The following CTDSPL variants were observed in gnomAD, a reference collection of about 807,000 sequenced individuals.
CTDSPL encodes the protein CTD small phosphatase like.
In CTDSPL, 8 loss-of-function variants were observed where a neutral mutation model predicts 30.5. The ratio of observed to expected loss-of-function variants is 0.26; its 90% CI spans 0.15 to 0.47. The LOEUF is 0.47. Ranked by LOEUF, CTDSPL falls within the 20% of genes least tolerant of loss-of-function variation. The pLI is 0.99. For synonymous variants in CTDSPL, 110 were observed against 137.9 expected, an observed-to-expected ratio of 0.80 and a Z score of 1.42; for missense variants, 248 against 366.1, an observed-to-expected ratio of 0.68 and a Z score of 2.63.
At chr3:37,958,348 G>T (rs1699198437) in intron 3 of CTDSPL, among the ~76,000 whole-genome samples, 1 of 152,172 alleles carries the variant, frequency 6.6e-6, no homozygotes, top group African/African-American at 2.4e-5. Context: ...AGATTGACCT[G>T]GCAGCACAAC....
At chr3:37,898,088 T>G (rs1286620335) in intron 1 of CTDSPL, among the ~76,000 whole-genome samples, 1 of 152,192 alleles carries the variant, frequency 6.6e-6, no homozygotes, top group Non-Finnish European at 1.5e-5. Context: ...ATCTGAGAAC[T>G]GGGCAAAGAT....
At chr3:37,870,837 G>A (rs1186933113) in intron 1 of CTDSPL, among the ~76,000 whole-genome samples, 2 of 152,030 alleles carry the variant, frequency 1.3e-5, no homozygotes, top group African/African-American at 4.8e-5. Flanking sequence ...GCCATATTGA[G>A]CAGAAAGCAC....
Position 37,976,000 on chromosome 3 carries a change from T to G in CTDSPL, c.705+106T>G. 8.3e-7 allele frequency: 1 copy of G among 1,209,046 alleles called. No homozygotes were observed. The allele number at this position is 1,209,046 out of a possible 1,614,324, so 74.9% of individuals were successfully genotyped here. A position where few individuals can be genotyped will look rare whatever the true frequency, so the allele number is the denominator to read the frequency against. On this transcript the variant is annotated intron_variant, in intron 7 of 7. Transcript: ENST00000273179. This position sits in a 1 kb window ranked among gnomAD's most constrained non-coding sequence, Gnocchi z 4.9. The stretch of plus-strand genomic sequence containing the variant: ...TACACAAGAAGGTCTCTGGGCCTTT[T>G]CCTAATGAAATCCCAGCTCTGCCAT...
rs538974549 is a variant in CTDSPL, at chr3:37,975,157, A to G, written c.520-552A>G. Among the ~76,000 whole-genome samples the G allele has an allele frequency of 2.7e-4, 41 of 152,362 alleles. No homozygotes were observed. Among genetic ancestry groups the G allele is most frequent in the African/African-American group, 9.9e-4 (41 of 41,578 alleles). On this transcript the variant is annotated intron_variant, in intron 6 of 7. Transcript: ENST00000273179. The surrounding 1 kb of genome is among the most constrained non-coding windows in gnomAD (Gnocchi z 4.9). ...GCATGCAGAGGGAACACTGGTACAA[A>G]GGTCCTGACCATACTCAAAGCCAGT...
intron 3 of CTDSPL, among the ~76,000 whole-genome samples, chr3:37,960,102 CA>C (rs1402379991): frequency 1.3e-5 from 2 of 152,022 alleles, no homozygotes; most frequent in African/African-American, 4.8e-5. Context: ...CCTGTAATCC[CA>C]CTGAGGCCGA....
intron 1 of CTDSPL, among the ~76,000 whole-genome samples, chr3:37,879,315 A>G (rs1698175667): frequency 6.6e-6 from 1 of 152,240 alleles, no homozygotes; most frequent in South Asian, 2.1e-4. Context: ...AGTGGCTAAC[A>G]TCCTTTTCTA....
In CTDSPL at chr3:37,979,102, A is replaced by G. The variant is rs893037202; in HGVS notation, c.706-1640A>G. 3.3e-5 allele frequency among the ~76,000 whole-genome samples: 5 copies of G among 152,210 alleles called. No individual in the cohort carries two copies. In the East Asian group the frequency reaches 9.6e-4, roughly 29 times the overall value. On this transcript the variant is annotated intron_variant, in intron 7 of 7. Coordinates refer to ENST00000273179, the MANE Select transcript of CTDSPL (RefSeq NM_001008392.2). ...CGGTACTAAATTATGGCTAATAATA[A>G]GACAACTCTATGCAGTTTAGGAATT...
intron 1 of CTDSPL, among the ~76,000 whole-genome samples, chr3:37,898,399 C>A (rs1202743025): frequency 2.0e-5 from 3 of 152,178 alleles, no homozygotes; most frequent in Non-Finnish European, 2.9e-5. Context: ...AGCCACATAT[C>A]ATGTCCAAAT....
chr3:37,942,771 G>T (rs1698992724), intron 1 of CTDSPL, among the ~76,000 whole-genome samples: 1 of 150,344 alleles, frequency 6.7e-6, no homozygotes, highest in Non-Finnish European at 1.5e-5. Flanking sequence ...AGAAACTGAG[G>T]CACAAAGAAG....
At chr3:37,968,136 G>C in intron 5 of CTDSPL, 2 of 457,830 alleles carry the variant, frequency 4.4e-6, no homozygotes, top group Middle Eastern at 3.0e-4. Flanking sequence ...TTGAATTTCA[G>C]AAGTTTCCGT....
chr3:37,935,877 G>T (rs751789938), intron 1 of CTDSPL, among the ~76,000 whole-genome samples: 80 of 152,280 alleles, frequency 5.3e-4, no homozygotes, highest in Non-Finnish European at 1.1e-3. Context: ...CCTGGAGTCA[G>T]GTTGTTCTGG....
intron 7 of CTDSPL, among the ~76,000 whole-genome samples, chr3:37,980,456 A>C (rs555877994): frequency 4.6e-5 from 7 of 152,334 alleles, no homozygotes; most frequent in Admixed American, 4.6e-4. Context: ...TAGTTCTCAT[A>C]CATTCTATGC....
intron 3 of CTDSPL, among the ~76,000 whole-genome samples, chr3:37,960,653 C>T (rs1261551984): frequency 1.3e-5 from 2 of 149,868 alleles, no homozygotes; most frequent in Non-Finnish European, 3.0e-5. Flanking sequence ...TCACGTGAAC[C>T]CGGGAGGCGG....
At position 37,912,670 on chromosome 3, in the gene CTDSPL, G is replaced by A. The variant is rs150337197; in HGVS notation, c.80-34387G>A. Among the ~76,000 whole-genome samples, 277 of 152,276 alleles carry A rather than the reference G, an allele frequency of 1.8e-3. 1 individual carries two copies. The highest frequency in any genetic ancestry group is 3.9e-3 in the South Asian group (19 of 4,824). ...AGGGAACTTGGCACTATAAACAAGCGGACCTTGACTCTTAAGGATTTTGTG... is the reference window on the plus strand; with the variant it reads ...AGGGAACTTGGCACTATAAACAAGCAGACCTTGACTCTTAAGGATTTTGTG... On this transcript the variant is annotated intron_variant, in intron 1 of 7. Transcript: ENST00000273179.
chr3:37,907,082 T>C (rs73058909), intron 1 of CTDSPL, among the ~76,000 whole-genome samples: 8,862 of 152,318 alleles, frequency 0.058, 300 homozygotes, highest in South Asian at 0.11. Flanking sequence ...CACTTCCTTT[T>C]GTTCTTTCCT....
chr3:37,978,362 C>CTTGGATT (rs1699452772), intron 7 of CTDSPL, among the ~76,000 whole-genome samples: 1 of 151,982 alleles, frequency 6.6e-6, no homozygotes, highest in South Asian at 2.1e-4. Context: ...CCAGAAGTGT[C>CTTGGATT]TTGGATTTTG....
At chr3:37,908,788 A>G (rs1466525371) in intron 1 of CTDSPL, among the ~76,000 whole-genome samples, 2 of 152,192 alleles carry the variant, frequency 1.3e-5, no homozygotes, top group South Asian at 2.1e-4. Flanking sequence ...ATTGTGTTCT[A>G]TAAGTTCTTA....
chr3:37,900,563 C>G (rs1698437439), intron 1 of CTDSPL, among the ~76,000 whole-genome samples: 1 of 152,114 alleles, frequency 6.6e-6, no homozygotes, highest in African/African-American at 2.4e-5. Context: ...CTGTAGAAAT[C>G]TTATGAAATA....
intron 1 of CTDSPL, among the ~76,000 whole-genome samples, chr3:37,924,108 A>G (rs966411992): frequency 3.9e-4 from 59 of 152,232 alleles, no homozygotes; most frequent in East Asian, 1.9e-4. Context: ...ATGGCATTCA[A>G]CCCGGTCCAA....
Sources: allele counts gnomAD v4.1 joint callset (sites outside exome capture counted in the v4.1 genomes callset), GRCh38; gene constraint gnomAD v4.1.1; non-coding constraint Gnocchi (gnomAD v3.1); transcripts MANE v1.5; gene names NCBI Gene and HGNC (gene_info 2026-07-23, HGNC 2026-07-21).